The following TSHZ2 variants were observed in gnomAD, a reference collection of about 807,000 sequenced individuals.
TSHZ2 encodes teashirt homolog 2.
Under a neutral mutation model 74.4 loss-of-function variants are expected in TSHZ2, and 21 were observed. That is an observed-to-expected ratio of 0.28 (90% CI 0.20 to 0.41). The LOEUF is 0.41. Among genes scored for constraint, TSHZ2 ranks in the 10% least tolerant of loss-of-function variants. The pLI, the probability that TSHZ2 is intolerant of heterozygous loss-of-function variation, is 1.00. For missense variants in TSHZ2, 1,244 were observed against 1,293.5 expected, an observed-to-expected ratio of 0.96 and a Z score of 0.59; for synonymous variants, 540 against 515.3, an observed-to-expected ratio of 1.05 and a Z score of -0.65.
intron 2 of TSHZ2, among the ~76,000 whole-genome samples, chr20:53,317,414 C>T (rs963652166): frequency 1.3e-5 from 2 of 152,078 alleles, no homozygotes; most frequent in African/African-American, 2.4e-5. Context: ...CTCTGCCAAC[C>T]ACAGAAGCAT....
chr20:53,324,000 C>A (rs1979391083), intron 2 of TSHZ2, among the ~76,000 whole-genome samples: 1 of 152,134 alleles, frequency 6.6e-6, no homozygotes, highest in East Asian at 1.9e-4. Context: ...TCCCTCCTGA[C>A]CTCTCTGGAC....
chr20:53,105,847 A>G (rs1986347607), intron 1 of TSHZ2, among the ~76,000 whole-genome samples: 1 of 152,132 alleles, frequency 6.6e-6, no homozygotes, highest in South Asian at 2.1e-4. Context: ...GGGTTTTGCC[A>G]TGTTGCACGG....
intron 1 of TSHZ2, among the ~76,000 whole-genome samples, chr20:53,091,658 G>A (rs775463196): frequency 3.3e-5 from 5 of 152,254 alleles, no homozygotes; most frequent in Non-Finnish European, 7.3e-5. Context: ...AGGAAATGAG[G>A]CACTGTTGAT....
chr20:53,438,102 CTTTTTTTTTTTTCTTTT>C (rs1984160850), intron 2 of TSHZ2, among the ~76,000 whole-genome samples: 1 of 142,754 alleles, frequency 7.0e-6, no homozygotes, highest in African/African-American at 2.6e-5. Context: ...ACTTTTCTTT[CTTTTTTTTTTTTCTTTT>C]TTTTTTTGGA....
chr20:53,000,847 G>T (rs986962992), intron 1 of TSHZ2, among the ~76,000 whole-genome samples: 1 of 152,134 alleles, frequency 6.6e-6, no homozygotes, highest in African/African-American at 2.4e-5. Flanking sequence ...TCCATGAAAA[G>T]TTTCCTCGGG....
At chr20:53,264,871 G>A (rs1439208474) in intron 2 of TSHZ2, among the ~76,000 whole-genome samples, 1 of 152,180 alleles carries the variant, frequency 6.6e-6, no homozygotes, top group Non-Finnish European at 1.5e-5. Flanking sequence ...ACATGGCAGT[G>A]TGGAGGGCCA....
intron 1 of TSHZ2, among the ~76,000 whole-genome samples, chr20:53,017,728 C>A (rs1009610473): frequency 1.1e-4 from 17 of 152,136 alleles, no homozygotes; most frequent in African/African-American, 4.1e-4. Flanking sequence ...TTGACATCAC[C>A]CGCTTTGGGA....
chr20:53,337,042 A>T (rs1979977860), intron 2 of TSHZ2, among the ~76,000 whole-genome samples: 1 of 152,220 alleles, frequency 6.6e-6, no homozygotes, highest in African/African-American at 2.4e-5. Flanking sequence ...AGCAAGAGAG[A>T]GAATGAGATT....
intron 2 of TSHZ2, among the ~76,000 whole-genome samples, chr20:53,448,247 A>T (rs1369629059): frequency 6.6e-6 from 1 of 152,182 alleles, no homozygotes; most frequent in Admixed American, 6.5e-5. Context: ...ATTGAGTAAA[A>T]TTAGGGGTTT....
At chr20:53,034,816 C>G (rs1243441240) in intron 1 of TSHZ2, among the ~76,000 whole-genome samples, 1 of 152,150 alleles carries the variant, frequency 6.6e-6, no homozygotes, top group East Asian at 1.9e-4. Flanking sequence ...TCCTCAAGAG[C>G]CCACTCCTGC....
At chr20:53,055,466 T>C (rs566702964) in intron 1 of TSHZ2, among the ~76,000 whole-genome samples, 12 of 152,256 alleles carry the variant, frequency 7.9e-5, no homozygotes, top group African/African-American at 2.9e-4. Flanking sequence ...TTTCAAAAAG[T>C]GGTGTGGGAT....
intron 1 of TSHZ2, among the ~76,000 whole-genome samples, chr20:53,231,880 T>C (rs1279466704): frequency 6.6e-6 from 1 of 152,108 alleles, no homozygotes; most frequent in Non-Finnish European, 1.5e-5. Flanking sequence ...CTACAGGCCA[T>C]ACAAAACAAT....
At chr20:53,246,040 C>CTTTTTTTTTTTTTTTT (rs57243805) in intron 1 of TSHZ2, among the ~76,000 whole-genome samples, 83 of 130,562 alleles carry the variant, frequency 6.4e-4, no homozygotes, top group African/African-American at 7.4e-4. Context: ...TTCTTTCTTT[C>CTTTTTTTTTTTTTTTT]TTTTTTTTTT....
At chr20:53,093,405 C>G (rs1272187700) in intron 1 of TSHZ2, among the ~76,000 whole-genome samples, 1 of 152,224 alleles carries the variant, frequency 6.6e-6, no homozygotes, top group Non-Finnish European at 1.5e-5. Flanking sequence ...CTGCTTAAAG[C>G]CTTTCCGTGG....
In TSHZ2 at chr20:53,325,825, G is replaced by A. The variant is rs193193129; in HGVS notation, c.*8+69254G>A. On this transcript the variant is annotated intron_variant, in intron 2 of 2. Transcript: ENST00000371497. ...GAGATGGAGTCTCACACTGTCTCCC[G>A]GGCTGGAGTGCAGTGGCACGATCTC... is the stretch of plus-strand genomic sequence containing the variant. Among the ~76,000 whole-genome samples, 302 of 151,884 alleles carry A rather than the reference G, an allele frequency of 2.0e-3. 1 individual carries two copies. The highest frequency in any genetic ancestry group is 6.8e-3 in the African/African-American group (283 of 41,414).
intron 2 of TSHZ2, among the ~76,000 whole-genome samples, chr20:53,357,484 G>C (rs1185958831): frequency 6.6e-6 from 1 of 151,762 alleles, no homozygotes; most frequent in Non-Finnish European, 1.5e-5. Context: ...GGGCAACTTA[G>C]TGAGACGCTG....
chr20:53,236,067 C>T (rs1989932921), intron 1 of TSHZ2, among the ~76,000 whole-genome samples: 1 of 152,126 alleles, frequency 6.6e-6, no homozygotes, highest in Non-Finnish European at 1.5e-5. Context: ...AGAAAGCAGT[C>T]AATTCATAAA....
intron 1 of TSHZ2, among the ~76,000 whole-genome samples, chr20:53,226,326 C>T (rs1428661270): frequency 1.3e-5 from 2 of 152,100 alleles, no homozygotes; most frequent in Non-Finnish European, 2.9e-5. Flanking sequence ...TTCCCCTGCA[C>T]AGTTGTTATA....
intron 2 of TSHZ2, among the ~76,000 whole-genome samples, chr20:53,344,144 G>A (rs1980340096): frequency 6.6e-6 from 1 of 152,116 alleles, no homozygotes; most frequent in South Asian, 2.1e-4. Context: ...ACTCTAGGCT[G>A]CCTCCAAGCT....
Sources: allele counts gnomAD v4.1 joint callset (sites outside exome capture counted in the v4.1 genomes callset), GRCh38; gene constraint gnomAD v4.1.1; transcripts MANE v1.5; gene names NCBI Gene and HGNC (gene_info 2026-07-23, HGNC 2026-07-21).